The following IRS1 variants were observed in gnomAD, a reference collection of about 807,000 sequenced individuals.
IRS1 encodes the protein insulin receptor substrate 1.
IRS1 carries 34 observed loss-of-function variants against 65.6 expected under a neutral mutation model. The ratio of observed to expected loss-of-function variants is 0.52; its 90% CI spans 0.39 to 0.69. The LOEUF (loss-of-function observed/expected upper bound fraction) is 0.69, where lower values mean the gene tolerates loss of function less well. Among genes scored for constraint, IRS1 ranks in the 30% least tolerant of loss-of-function variants. The pLI, the probability that IRS1 is intolerant of heterozygous loss-of-function variation, is 0.00. For missense variants in IRS1, 1,641 were observed against 1,720.2 expected (o/e 0.95, Z 0.81); for synonymous variants, 699 against 683.5 (o/e 1.02, Z -0.35).
intron 1 of IRS1, among the ~76,000 whole-genome samples, chr2:226,791,858 C>A (rs1005303528): frequency 2.0e-5 from 3 of 152,066 alleles, no homozygotes; most frequent in Non-Finnish European, 4.4e-5. Context: ...CTGGATGACC[C>A]GAGACGGGCG....
rs1367671533 is a variant in IRS1 at position 226,796,952 on chromosome 2, C to A, written c.1787G>T (p.Gly596Val). ...GGAGCTGTCTGGGCGGTGGTGCCCC[C>A]CCCGACGCTCCAAGGGGTGCATTTC... is the stretch of plus-strand genomic sequence containing the variant. The part of the protein sequence containing the change: ...GLEMHPLERR[G>V]GHHRPDSSTL... The change falls in exon 1 of 2, where the codon GGG becomes GTG. Residue 596 changes from glycine to valine, a missense_variant. Coordinates refer to ENST00000305123, the MANE Select transcript of IRS1 (RefSeq NM_005544.3). The A allele has an allele frequency of 1.3e-6, 2 of 1,563,652 alleles. No homozygotes were observed. The highest frequency in any genetic ancestry group is 1.7e-6 in the Non-Finnish European group (2 of 1,151,168).
intron 1 of IRS1, among the ~76,000 whole-genome samples, chr2:226,782,096 A>C (rs1939394187): frequency 1.3e-5 from 2 of 152,090 alleles, no homozygotes; most frequent in Admixed American, 6.5e-5. Flanking sequence ...TGTGGTTCAA[A>C]GAGTATGCTG....
chr2:226,797,941 A>G lies in IRS1; in HGVS notation c.798T>C (p.Pro266=). ...AMRAMSDEFR[P]RSKSQSSSNC... ...TGGACGAGGACTGGCTCTTGCTGCG[A>G]GGGCGGAACTCATCACTCATGGCCC... The change falls in exon 1 of 2, where the codon CCT becomes CCC. Residue 266 remains proline (P), a synonymous_variant. Transcript: ENST00000305123. This position sits in a 1 kb window ranked among gnomAD's most constrained non-coding sequence, Gnocchi z 8.1. 4 of 1,614,046 alleles carry G rather than the reference A, an allele frequency of 2.5e-6. No homozygotes were observed. Among genetic ancestry groups the G allele is most frequent in the Non-Finnish European group, 2.5e-6 (3 of 1,180,008 alleles).
Position 226,799,393 on chromosome 2 carries a change from C to G in IRS1, c.-655G>C. The G allele has an allele frequency of 6.3e-6, 8 of 1,264,528 alleles. No individual in the cohort carries two copies. The highest frequency in any genetic ancestry group is 8.2e-6 in the Non-Finnish European group (8 of 971,090). The allele number at this position is 1,264,528 out of a possible 1,614,324, so 78.3% of individuals were successfully genotyped here. On this transcript the variant is annotated 5_prime_UTR_variant, in exon 1 of 2. Transcript: ENST00000305123. This position sits in a 1 kb window ranked among gnomAD's most constrained non-coding sequence, Gnocchi z 6.1. ...CTGCTGCTGCTGCTGCTGCTGCTGCCGCCGCCCGCGGGCGCGTCCTCTGCA... is the reference window on the plus strand; with the variant it reads ...CTGCTGCTGCTGCTGCTGCTGCTGCGGCCGCCCGCGGGCGCGTCCTCTGCA...
chr2:226,792,133 TTTTTTTCTTTTTC>T, intron 1 of IRS1: 1 of 152,148 alleles, frequency 6.6e-6, no homozygotes, highest in South Asian at 2.1e-4. Flanking sequence ...CTTTTTCTGT[TTTTTTTCTTTTTC>T]TTTTTTCTTT....
Position 226,796,648 on chromosome 2 carries a change from C to G in IRS1, c.2091G>C (p.Lys697Asn), listed in dbSNP as rs1444293088. Residue 697 changes from lysine to asparagine, a missense_variant, in exon 1 of 2, where the codon AAG becomes AAC. Coordinates refer to ENST00000305123, the MANE Select transcript of IRS1 (RefSeq NM_005544.3). ...GGCCCCCTACCCCGTTTGTCCACAG[C>G]TTTCCATAGCTGGTCCCGGAAGGGA... Reference protein sequence around the residue: ...NAVPSGTSYGKLWTNGVGGHH... With the variant: ...NAVPSGTSYGNLWTNGVGGHH... The G allele has an allele frequency of 6.2e-7, 1 of 1,613,982 alleles. No homozygotes were observed. Among genetic ancestry groups the G allele is most frequent in the East Asian group, 2.2e-5 (1 of 44,868 alleles).
chr2:226,747,157 C>G (rs961301238), intron 1 of IRS1, among the ~76,000 whole-genome samples: 11 of 152,086 alleles, frequency 7.2e-5, no homozygotes, highest in Non-Finnish European at 8.8e-5. Context: ...TCTGGCTGAG[C>G]TAAAAGCACC....
intron 1 of IRS1, among the ~76,000 whole-genome samples, chr2:226,764,467 G>A (rs1476319233): frequency 6.6e-6 from 1 of 152,068 alleles, no homozygotes; most frequent in Non-Finnish European, 1.5e-5. Flanking sequence ...CACTCAAGTC[G>A]AGGAGTGCGA....
chr2:226,762,843 C>T (rs1938944696), intron 1 of IRS1, among the ~76,000 whole-genome samples: 2 of 152,174 alleles, frequency 1.3e-5, no homozygotes, highest in Non-Finnish European at 2.9e-5. Context: ...AGAACAAAAT[C>T]AGCTCAAAGT....
In IRS1 at chr2:226,795,224, C is replaced by T. The variant is rs553359474; in HGVS notation, c.3515G>A (p.Gly1172Asp). 5.6e-6 allele frequency: 9 copies of T among 1,614,050 alleles called. No individual in the cohort carries two copies. Among genetic ancestry groups the T allele is most frequent in the Middle Eastern group, 1.6e-4 (1 of 6,062 alleles). Residue 1172 changes from glycine (G) to aspartate (D), a missense_variant, in exon 1 of 2, where the codon GGT (glycine) becomes GAT (aspartate). Gly to Asp is a moderately conservative substitution (Grantham distance 94). This residue lies in a region of IRS1 where 1,324 missense variants were observed against 1,361.0 expected (regional missense o/e 0.97). Coordinates refer to ENST00000305123, the MANE Select transcript of IRS1 (RefSeq NM_005544.3). ...EPAKLCGAAGGLENGLNYIDL... is the reference protein window; with the variant it reads ...EPAKLCGAAGDLENGLNYIDL... ...TATGTAGTTAAGACCATTCTCCAAA[C>T]CCCCAGCAGCCCCACACAGTTTGGC... is the stretch of plus-strand genomic sequence containing the variant.
intron 1 of IRS1, among the ~76,000 whole-genome samples, chr2:226,780,119 G>A (rs1488563352): frequency 6.6e-6 from 1 of 152,186 alleles, no homozygotes; most frequent in African/African-American, 2.4e-5. Flanking sequence ...GCAGCCGGGT[G>A]CGGTGGCTCA....
At chr2:226,748,815 T>C (rs544042434) in intron 1 of IRS1, among the ~76,000 whole-genome samples, 2 of 152,268 alleles carry the variant, frequency 1.3e-5, no homozygotes, top group South Asian at 4.2e-4. Flanking sequence ...GGGGCACATA[T>C]ATCATCATCC....
intron 1 of IRS1, among the ~76,000 whole-genome samples, chr2:226,788,821 T>C (rs1939536005): frequency 6.6e-6 from 1 of 152,232 alleles, no homozygotes; most frequent in African/African-American, 2.4e-5. Context: ...TTACACTTTC[T>C]GAACATGTTT....
chr2:226,775,941 T>A (rs1939264870), intron 1 of IRS1, among the ~76,000 whole-genome samples: 1 of 152,224 alleles, frequency 6.6e-6, no homozygotes, highest in African/African-American at 2.4e-5. Flanking sequence ...TCCTTTTTTT[T>A]TTCCTTGAAT....
rs756094077 is a variant in IRS1, at chr2:226,798,446, T to A, written c.293A>T (p.Asp98Val). Residue 98 changes from aspartate (D) to valine (V), a missense_variant, in exon 1 of 2, where the codon GAC becomes GTC. Asp to Val is a radical substitution (Grantham distance 152, BLOSUM62 -3). This residue lies in a region of IRS1 where 240 missense variants were observed against 229.6 expected (regional missense o/e 1.05). Coordinates refer to ENST00000305123, the MANE Select transcript of IRS1 (RefSeq NM_005544.3). This position sits in a 1 kb window ranked among gnomAD's most constrained non-coding sequence, Gnocchi z 9.4. ...TRDEHFAIAA[D>V]SEAEQDSWYQ... Reference sequence around the variant, plus strand: ...CCAGCTGTCTTGCTCGGCCTCGCTGTCCGCCGCGATGGCAAAGTGCTCGTC... The same window carrying A: ...CCAGCTGTCTTGCTCGGCCTCGCTGACCGCCGCGATGGCAAAGTGCTCGTC... The A allele has an allele frequency of 2.5e-6, 4 of 1,614,062 alleles. No homozygotes were observed. The East Asian group carries it at 8.9e-5, about 36-fold the overall frequency.
chr2:226,797,805 AGGT>A lies in IRS1; in HGVS notation c.931_933del (p.Thr311del), dbSNP rs547970146. 3.8e-4 allele frequency: 603 copies of A among 1,600,112 alleles called. 3 individuals carry two copies. In the African/African-American group the frequency reaches 7.5e-3, roughly 20 times the overall value. On this transcript the variant is annotated inframe_deletion, in exon 1 of 2. Transcript: ENST00000305123. This position sits in a 1 kb window ranked among gnomAD's most constrained non-coding sequence, Gnocchi z 8.1. ...TTCCCGCCCACCATGCTGGCCGGGG[AGGT>A]GGCGGTGATGCTCTCAGTGCGTGAT...
In IRS1 at chr2:226,732,668, C is replaced by T. The variant is rs1482733087; in HGVS notation, c.*3604G>A. On this transcript the variant is annotated 3_prime_UTR_variant, in exon 2 of 2. Coordinates refer to ENST00000305123, the MANE Select transcript of IRS1 (RefSeq NM_005544.3). Reference sequence around the variant, plus strand: ...CACACACACAAAGACACACACATGTCACATATATATACACACACACATATA... The same window carrying T: ...CACACACACAAAGACACACACATGTTACATATATATACACACACACATATA... 6.7e-6 allele frequency: 1 copy of T among 149,652 alleles called. No homozygotes were observed. The highest frequency in any genetic ancestry group is 2.0e-4 in the East Asian group (1 of 5,126). The allele number at this position is 149,652 out of a possible 1,614,324, so 9.3% of individuals were successfully genotyped here.
At chr2:226,764,347 C>T (rs1938984475) in intron 1 of IRS1, among the ~76,000 whole-genome samples, 1 of 151,802 alleles carries the variant, frequency 6.6e-6, no homozygotes, top group African/African-American at 2.4e-5. Flanking sequence ...AGTTTGAGAC[C>T]AGCCTGGACA....
rs1386476192 is a variant in IRS1, at chr2:226,795,295, A to G, written c.3444T>C (p.Asn1148=). The G allele has an allele frequency of 6.2e-7, 1 of 1,613,696 alleles. No individual in the cohort carries two copies. Among genetic ancestry groups the G allele is most frequent in the Non-Finnish European group, 8.5e-7 (1 of 1,180,002 alleles). The change falls in exon 1 of 2, where the codon AAT becomes AAC. Residue 1148 remains asparagine, a synonymous_variant. Coordinates refer to ENST00000305123, the MANE Select transcript of IRS1 (RefSeq NM_005544.3). ...VKRHSSASFE[N]VWLRPGELGG... ...CAAGCTCCCCAGGCCTCAGCCACAC[A>G]TTCTCAAAGGAAGCAGAGCTGTGGC...
Sources: gnomAD v4.1 joint callset for allele counts (sites outside exome capture counted in the v4.1 genomes callset) on GRCh38, gnomAD v4.1.1 for gene constraint, gnomAD v4.1.1 regional missense constraint, Gnocchi (gnomAD v3.1) non-coding constraint, MANE v1.5 for transcripts, NCBI Gene and HGNC (gene_info 2026-07-23, HGNC 2026-07-21) for gene names.